Variants in SNX24 observed in about 807,000 individuals in gnomAD.
SNX24 encodes sorting nexin-24.
A neutral mutation model predicts 28.7 loss-of-function variants in SNX24; 22 were observed. The observed-to-expected ratio is 0.77, with a 90% CI of 0.55 to 1.10. SNX24 has a LOEUF of 1.10. SNX24 is among the 50% of genes least tolerant of loss of function. The probability of loss-of-function intolerance (pLI) is 0.00; values close to 1 mark genes in which losing one functional copy is unlikely to be tolerated. For missense variants in SNX24, 221 were observed against 201.1 expected (o/e 1.10, Z -0.60); for synonymous variants, 69 against 71.5 (o/e 0.96, Z 0.18).
rs1231489855 is a variant in SNX24, at chr5:123,008,389, G to A, written c.*640G>A. The A allele has an allele frequency of 2.9e-6, 2 of 699,082 alleles. No homozygotes were observed. Among genetic ancestry groups the A allele is most frequent in the Non-Finnish European group, 3.5e-6 (2 of 568,806 alleles). The allele number at this position is 699,082 out of a possible 1,614,324, so 43.3% of individuals were successfully genotyped here. The stretch of plus-strand genomic sequence containing the variant: ...GTTAGCTTCCAAGGTCAGTACATAG[G>A]TAAAATGGGCTATTAGGATGATCCT... On this transcript the variant is annotated 3_prime_UTR_variant, in exon 7 of 7. Transcript: ENST00000261369.
intron 3 of SNX24, among the ~76,000 whole-genome samples, chr5:122,989,157 T>C (rs1417118482): frequency 1.3e-5 from 2 of 152,176 alleles, no homozygotes; most frequent in East Asian, 3.8e-4. Context: ...TATGGGTTTA[T>C]GTGTTCTACC....
chr5:122,883,443 C>T (rs746154195), intron 1 of SNX24, among the ~76,000 whole-genome samples: 1 of 152,004 alleles, frequency 6.6e-6, no homozygotes, highest in Non-Finnish European at 1.5e-5. Flanking sequence ...GCATATCTTC[C>T]TAGATACTAT....
intron 5 of SNX24, 134 bp downstream of exon 5, chr5:123,001,571 G>A: frequency 1.4e-6 from 1 of 693,334 alleles, no homozygotes; most frequent in Non-Finnish European, 2.5e-6. Flanking sequence ...ATAAATATTT[G>A]ATAGGGAATT....
rs569936357 is a variant in SNX24 at position 122,848,467 on chromosome 5, G to C, written c.60+2774G>C. Among the ~76,000 whole-genome samples the C allele has an allele frequency of 6.6e-5, 10 of 151,982 alleles. No individual in the cohort carries two copies. The South Asian group carries it at 2.1e-3, about 32-fold the overall frequency. ...GCCTGTAATCCCAGCACTTTGGGAG[G>C]CCGAGGTGGGCGGATCACTTGAGGT... On this transcript the variant is annotated intron_variant, in intron 1 of 6. Coordinates refer to ENST00000261369, the MANE Select transcript of SNX24 (RefSeq NM_014035.4).
chr5:122,942,490 T>C (rs945606057), intron 2 of SNX24, among the ~76,000 whole-genome samples: 2 of 152,264 alleles, frequency 1.3e-5, no homozygotes, highest in Non-Finnish European at 2.9e-5. Context: ...TTTTTCATTC[T>C]TTTTATTCAT....
chr5:123,001,281 C>G, intron 4 of SNX24, 124 bp from the exon 5 acceptor site: 1 of 692,548 alleles, frequency 1.4e-6, no homozygotes, highest in Non-Finnish European at 2.6e-6. Flanking sequence ...AAACTCACAG[C>G]TCTTTTAAAA....
intron 1 of SNX24, among the ~76,000 whole-genome samples, chr5:122,916,464 A>G (rs1026963119): frequency 1.3e-5 from 2 of 151,178 alleles, no homozygotes; most frequent in East Asian, 2.0e-4. Context: ...TTAATTCTTT[A>G]AAGTGACTAT....
At chr5:123,012,142 GT>G (rs1358519100), downstream of SNX24, among the ~76,000 whole-genome samples, 2 of 152,112 alleles carry the variant, frequency 1.3e-5, no homozygotes, top group African/African-American at 4.8e-5. Context: ...AAGATTGTAA[GT>G]TTCCTGAGGC....
intron 1 of SNX24, among the ~76,000 whole-genome samples, chr5:122,885,097 C>G (rs1281298530): frequency 6.6e-6 from 1 of 152,084 alleles, no homozygotes; most frequent in Non-Finnish European, 1.5e-5. Flanking sequence ...GAGGGCTGGC[C>G]TTGAATGGGG....
chr5:122,987,302 A>G (rs962049554), intron 3 of SNX24, among the ~76,000 whole-genome samples: 2 of 152,170 alleles, frequency 1.3e-5, no homozygotes, highest in African/African-American at 2.4e-5. Context: ...TTGGTAACTT[A>G]TTTGAAATGA....
At chr5:122,974,463 T>C (rs1761087949) in intron 3 of SNX24, among the ~76,000 whole-genome samples, 1 of 152,250 alleles carries the variant, frequency 6.6e-6, no homozygotes, top group Non-Finnish European at 1.5e-5. Context: ...TTGCTGGCCT[T>C]GCCAGCTGAA....
At chr5:122,997,663 A>G (rs1233389576) in intron 3 of SNX24, among the ~76,000 whole-genome samples, 3 of 152,246 alleles carry the variant, frequency 2.0e-5, no homozygotes, top group Non-Finnish European at 4.4e-5. Context: ...GTCTTCCTCC[A>G]TACTGCGGTG....
intron 1 of SNX24, among the ~76,000 whole-genome samples, chr5:122,894,243 G>A (rs1331450121): frequency 6.6e-6 from 1 of 152,086 alleles, no homozygotes; most frequent in African/African-American, 2.4e-5. Context: ...ACCCATGTCT[G>A]TAGGTAATCA....
chr5:122,976,552 A>T (rs1761173381), intron 3 of SNX24, among the ~76,000 whole-genome samples: 1 of 152,248 alleles, frequency 6.6e-6, no homozygotes, highest in Non-Finnish European at 1.5e-5. Context: ...TTTCATTGGC[A>T]CACAAAAGGT....
chr5:123,014,333 A>ATTTTTTTTTTTTTTTTTTTTTTTTT lies in SNX24; in HGVS notation n.383+12334_383+12358dup, dbSNP rs70988553. Among the ~76,000 whole-genome samples, 3 of 77,270 alleles carry ATTTTTTTTTTTTTTTTTTTTTTTTT rather than the reference A, an allele frequency of 3.9e-5. 1 individual carries two copies. Among genetic ancestry groups the ATTTTTTTTTTTTTTTTTTTTTTTTT allele is most frequent in the African/African-American group, 5.6e-5 (1 of 17,766 alleles). The allele number at this position is 77,270 out of a possible 152,430, so 50.7% of individuals were successfully genotyped here. On this transcript the variant is annotated intron_variant and non_coding_transcript_variant, in intron 5 of 5. Coordinates refer to the SNX24 transcript ENST00000502387. ...AGGCACACGCCACTGTGCCCAGCTG[A>ATTTTTTTTTTTTTTTTTTTTTTTTT]TTTTTTTTTTTTTTTTTTTTTTTTT...
chr5:122,870,308 A>C (rs1755914644), intron 1 of SNX24, among the ~76,000 whole-genome samples: 1 of 152,230 alleles, frequency 6.6e-6, no homozygotes, highest in Non-Finnish European at 1.5e-5. Context: ...GTAATCAAAA[A>C]GCAGCAGGAA....
chr5:122,976,284 C>T (rs1451347971), intron 3 of SNX24, among the ~76,000 whole-genome samples: 1 of 116,340 alleles, frequency 8.6e-6, no homozygotes, highest in Non-Finnish European at 1.8e-5. Flanking sequence ...CTTGTAATCA[C>T]TCAGTCATTA....
intron 3 of SNX24, among the ~76,000 whole-genome samples, chr5:122,984,813 T>C (rs905968063): frequency 9.2e-5 from 14 of 152,194 alleles, no homozygotes; most frequent in African/African-American, 3.1e-4. Flanking sequence ...TGACATGAGT[T>C]TTTAGCACTT....
At chr5:122,989,519 C>CG in intron 3 of SNX24, among the ~76,000 whole-genome samples, 1 of 1,338 alleles carries the variant, frequency 7.5e-4, no homozygotes, top group Non-Finnish European at 1.0e-3. Flanking sequence ...GCTAAGGGAC[C>CG]GGGTGGGGGG....
Sources: allele counts gnomAD v4.1 joint callset (sites outside exome capture counted in the v4.1 genomes callset), GRCh38; gene constraint gnomAD v4.1.1; transcripts MANE v1.5; gene names NCBI Gene and HGNC (gene_info 2026-07-23, HGNC 2026-07-21).